EPHA7: variants seen among roughly 807,000 people sequenced by gnomAD.
The protein encoded by EPHA7 is EPH receptor A7.
A neutral mutation model predicts 112.6 loss-of-function variants in EPHA7; 25 were observed. The ratio of observed to expected loss-of-function variants is 0.22; its 90% CI spans 0.16 to 0.31. The LOEUF is 0.31. EPHA7 is among the 10% of genes least tolerant of loss of function. EPHA7 has a pLI of 1.00. For missense variants in EPHA7, 962 were observed against 1,212.6 expected (o/e 0.79, Z 3.07); for synonymous variants, 437 against 406.5 (o/e 1.07, Z -0.90).
chr6:93,354,075 C>A (rs1775824326), intron 5 of EPHA7, among the ~76,000 whole-genome samples: 1 of 152,050 alleles, frequency 6.6e-6, no homozygotes, highest in South Asian at 2.1e-4. Flanking sequence ...GGAAGATAAC[C>A]AACCAGAAAT....
At chr6:93,387,539 G>A (rs985355986) in intron 3 of EPHA7, among the ~76,000 whole-genome samples, 1 of 152,002 alleles carries the variant, frequency 6.6e-6, no homozygotes, top group Admixed American at 6.6e-5. Context: ...CCCACTACCT[G>A]ATACCAACTG....
intron 3 of EPHA7, among the ~76,000 whole-genome samples, chr6:93,398,200 A>T (rs1454670828): frequency 6.6e-6 from 1 of 151,930 alleles, no homozygotes; most frequent in Non-Finnish European, 1.5e-5. Flanking sequence ...CTCTTTCTCA[A>T]ATTGAAACAC....
At chr6:93,284,146 T>G (rs554708207) in intron 5 of EPHA7, among the ~76,000 whole-genome samples, 1 of 152,322 alleles carries the variant, frequency 6.6e-6, no homozygotes, top group African/African-American at 2.4e-5. Flanking sequence ...TAGTTGTTTC[T>G]ATTTTATTCT....
At chr6:93,344,331 AGGC>A (rs1775285606) in intron 5 of EPHA7, among the ~76,000 whole-genome samples, 1 of 151,528 alleles carries the variant, frequency 6.6e-6, no homozygotes, top group African/African-American at 2.4e-5. Context: ...AATTTGTGTG[AGGC>A]TATATTTGGG....
chr6:93,254,076 A>G (rs369629872), intron 14 of EPHA7, among the ~76,000 whole-genome samples: 1 of 152,062 alleles, frequency 6.6e-6, no homozygotes, highest in Non-Finnish European at 1.5e-5. Context: ...GGGTATGTAC[A>G]TTTAATAAAT....
At chr6:93,272,540 T>G in intron 5 of EPHA7, 118 bp from the exon 6 acceptor site, 2 of 1,165,348 alleles carry the variant, frequency 1.7e-6, no homozygotes, top group South Asian at 2.9e-5. Flanking sequence ...AGAAAGCACC[T>G]TTTCATAGCT....
At chr6:93,260,266 AG>A (rs1478668113) in intron 9 of EPHA7, among the ~76,000 whole-genome samples, 2 of 151,912 alleles carry the variant, frequency 1.3e-5, no homozygotes, top group African/African-American at 4.8e-5. Flanking sequence ...GCCTCACAAA[AG>A]GTAGTCAAAA....
chr6:93,275,183 G>T (rs993875106), intron 5 of EPHA7, among the ~76,000 whole-genome samples: 1 of 151,762 alleles, frequency 6.6e-6, no homozygotes, highest in East Asian at 1.9e-4. Context: ...TGAATTAAAT[G>T]CTTCAAGAAC....
rs1778936680 is a variant in EPHA7 at position 93,410,731 on chromosome 6, T to C, written c.602A>G (p.Tyr201Cys). ...ACIALVSVKV[Y>C]YKKCWSIIEN... is the part of the protein sequence containing the mutation. ...AATAATGGACCAGCACTTCTTGTAGTACACTTTGACAGAAACCAAAGCTAT... is the reference window on the plus strand; with the variant it reads ...AATAATGGACCAGCACTTCTTGTAGCACACTTTGACAGAAACCAAAGCTAT... The change falls in exon 3 of 17, where the codon TAC becomes TGC. Residue 201 changes from tyrosine to cysteine, a missense_variant. Tyr to Cys is a radical substitution (Grantham distance 194, BLOSUM62 -2). This residue lies in a region of EPHA7 where 160 missense variants were observed against 263.6 expected (regional missense o/e 0.61). Transcript: ENST00000369303. This position sits in a 1 kb window ranked among gnomAD's most constrained non-coding sequence, Gnocchi z 4.0. 6.2e-7 allele frequency: 1 copy of C among 1,614,040 alleles called. No homozygotes were observed. Among genetic ancestry groups the C allele is most frequent in the Non-Finnish European group, 8.5e-7 (1 of 1,179,962 alleles).
chr6:93,356,910 G>A lies in EPHA7; in HGVS notation c.1131C>T (p.Gly377=), dbSNP rs745756745. 9 of 1,613,902 alleles carry A rather than the reference G, an allele frequency of 5.6e-6. No individual in the cohort carries two copies. The Admixed American group carries it at 8.3e-5, about 15-fold the overall frequency. The part of the protein sequence containing the change: ...ILCKRCSWEQ[G]ECVPCGSNIG... ...TGTTACTCCCACAGGGAACACATTC[G>A]CCCTGCTCCCAACTGCACCGCTTAC... Residue 377 remains glycine, a synonymous_variant, in exon 5 of 17, where the codon GGC becomes GGT. Coordinates refer to ENST00000369303, the MANE Select transcript of EPHA7 (RefSeq NM_004440.4).
chr6:93,328,145 T>C (rs1774412903), intron 5 of EPHA7, among the ~76,000 whole-genome samples: 1 of 151,524 alleles, frequency 6.6e-6, no homozygotes, highest in African/African-American at 2.4e-5. Flanking sequence ...TTTGCTTTCA[T>C]ATCTCACTCA....
chr6:93,276,218 C>T (rs772057168), intron 5 of EPHA7, among the ~76,000 whole-genome samples: 6 of 151,910 alleles, frequency 3.9e-5, no homozygotes, highest in African/African-American at 9.7e-5. Context: ...TCTAGTCATA[C>T]GAGCCCTTAA....
chr6:93,245,745 C>T (rs1769916610), intron 15 of EPHA7, among the ~76,000 whole-genome samples: 1 of 152,166 alleles, frequency 6.6e-6, no homozygotes, highest in Non-Finnish European at 1.5e-5. Flanking sequence ...TGTTCATTTG[C>T]TTTTCCAAAA....
chr6:93,403,003 G>A (rs1336579013), intron 3 of EPHA7, among the ~76,000 whole-genome samples: 1 of 152,002 alleles, frequency 6.6e-6, no homozygotes, highest in Non-Finnish European at 1.5e-5. Context: ...TGTGACAATA[G>A]ATAACAGTTA....
chr6:93,365,692 T>G (rs749180475), intron 3 of EPHA7, among the ~76,000 whole-genome samples: 11 of 152,076 alleles, frequency 7.2e-5, no homozygotes, highest in African/African-American at 2.7e-4. Context: ...ATGTAATGAG[T>G]ACATTATGGT....
intron 3 of EPHA7, among the ~76,000 whole-genome samples, chr6:93,393,729 G>A (rs1312524570): frequency 6.6e-6 from 1 of 151,674 alleles, no homozygotes; most frequent in Non-Finnish European, 1.5e-5. Flanking sequence ...AGATCATAAA[G>A]TACAATTGGC....
rs932034720 is a variant in EPHA7 at position 93,419,527 on chromosome 6, T to G, written c.-186A>C. ...CCCCCACTCCTGTTCGCTCGCACCG[T>G]GTTTGCTGCCTGCAAGTCTCCGACT... On this transcript the variant is annotated 5_prime_UTR_variant, in exon 1 of 17. Transcript: ENST00000369303. 1 of 548,370 alleles carries G rather than the reference T, an allele frequency of 1.8e-6. No homozygotes were observed. The highest frequency in any genetic ancestry group is 2.0e-5 in the African/African-American group (1 of 51,266). The allele number at this position is 548,370 out of a possible 1,614,324, so 34.0% of individuals were successfully genotyped here.
chr6:93,335,573 AAT>A (rs1264056523), intron 5 of EPHA7, among the ~76,000 whole-genome samples: 15 of 152,140 alleles, frequency 9.9e-5, no homozygotes, highest in Admixed American at 6.6e-5. Context: ...AAAGATGTAG[AAT>A]AGTAGTGGGA....
At chr6:93,317,339 G>C (rs1054736943) in intron 5 of EPHA7, among the ~76,000 whole-genome samples, 38 of 152,074 alleles carry the variant, frequency 2.5e-4, no homozygotes, top group African/African-American at 8.9e-4. Context: ...GCCAGTCCTA[G>C]GAATGCATGG....
Sources: gnomAD v4.1 joint callset for allele counts (sites outside exome capture counted in the v4.1 genomes callset) on GRCh38, gnomAD v4.1.1 for gene constraint, gnomAD v4.1.1 regional missense constraint, Gnocchi (gnomAD v3.1) non-coding constraint, MANE v1.5 for transcripts, NCBI Gene and HGNC (gene_info 2026-07-23, HGNC 2026-07-21) for gene names.